CTNNA3: variants seen among roughly 807,000 people sequenced by gnomAD.
CTNNA3 encodes catenin alpha 3.
In CTNNA3, 76 loss-of-function variants were observed where a neutral mutation model predicts 95.7. That is an observed-to-expected ratio of 0.79 (90% CI 0.66 to 0.96). The LOEUF is 0.96. CTNNA3 is among the 40% of genes least tolerant of loss of function. The pLI, the probability that CTNNA3 is intolerant of heterozygous loss-of-function variation, is 0.00. For missense variants in CTNNA3, 1,191 were observed against 1,089.8 expected (o/e 1.09, Z -1.31); for synonymous variants, 431 against 374.4 (o/e 1.15, Z -1.74).
chr10:67,384,941 T>A (rs1348597521), intron 5 of CTNNA3, among the ~76,000 whole-genome samples: 4 of 152,244 alleles, frequency 2.6e-5, no homozygotes, highest in African/African-American at 4.8e-5. Context: ...TTTTTGATGC[T>A]ACTTTGTTGC....
intron 13 of CTNNA3, among the ~76,000 whole-genome samples, chr10:66,244,596 C>T (rs1355447150): frequency 1.4e-5 from 2 of 139,148 alleles, no homozygotes; most frequent in African/African-American, 5.3e-5. Flanking sequence ...AAACAATCTG[C>T]CTGGTAATTC....
At chr10:67,137,567 A>G (rs1489801628) in intron 7 of CTNNA3, among the ~76,000 whole-genome samples, 1 of 152,050 alleles carries the variant, frequency 6.6e-6, no homozygotes, top group Non-Finnish European at 1.5e-5. Context: ...ATAGCACAAA[A>G]CCCATTTGAC....
At chr10:66,303,798 T>A (rs566728485) in intron 12 of CTNNA3, among the ~76,000 whole-genome samples, 25 of 152,224 alleles carry the variant, frequency 1.6e-4, no homozygotes, top group African/African-American at 6.0e-4. Flanking sequence ...TTTCACCGTG[T>A]TAGCCAGGAT....
At chr10:67,699,310 A>G (rs1460612179), upstream of CTNNA3, among the ~76,000 whole-genome samples, 4 of 151,996 alleles carry the variant, frequency 2.6e-5, no homozygotes, top group Non-Finnish European at 4.4e-5. Flanking sequence ...CACCACCCCT[A>G]TGTTTTTACC....
chr10:66,819,925 A>G (rs1202679697), intron 7 of CTNNA3, among the ~76,000 whole-genome samples: 2 of 152,166 alleles, frequency 1.3e-5, no homozygotes, highest in Admixed American at 1.3e-4. Context: ...CAGTCTGGCA[A>G]TTCCTCAAAA....
chr10:67,501,442 T>C lies in CTNNA3; in HGVS notation c.579+20400A>G, dbSNP rs181371981. ...CGATGAATCTGATGATTATGTGTCT[T>C]GGGGTTGCTTTTCTCGAGAAGTATC... is the stretch of plus-strand genomic sequence containing the variant. On this transcript the variant is annotated intron_variant, in intron 5 of 17. Coordinates refer to ENST00000433211, the MANE Select transcript of CTNNA3 (RefSeq NM_013266.4). 2.6e-5 allele frequency among the ~76,000 whole-genome samples: 4 copies of C among 152,276 alleles called. No homozygotes were observed. The East Asian group carries it at 7.7e-4, about 29-fold the overall frequency.
intron 10 of CTNNA3, among the ~76,000 whole-genome samples, chr10:66,620,624 A>G (rs1844712379): frequency 1.3e-5 from 2 of 152,164 alleles, no homozygotes; most frequent in African/African-American, 2.4e-5. Context: ...TAGAGACCTC[A>G]TTGCAGTATT....
intron 11 of CTNNA3, among the ~76,000 whole-genome samples, chr10:66,383,764 A>G (rs953039341): frequency 7.9e-5 from 12 of 152,338 alleles, no homozygotes; most frequent in African/African-American, 2.9e-4. Flanking sequence ...GAAACCCTAC[A>G]AGCCAGAAGA....
intron 15 of CTNNA3, among the ~76,000 whole-genome samples, chr10:66,059,325 T>G (rs529407409): frequency 6.6e-6 from 1 of 152,240 alleles, no homozygotes; most frequent in East Asian, 1.9e-4. Context: ...TGAAGACAGC[T>G]GGATAATGAA....
chr10:66,071,822 A>T (rs1223907232), intron 14 of CTNNA3, among the ~76,000 whole-genome samples: 1 of 152,182 alleles, frequency 6.6e-6, no homozygotes, highest in Non-Finnish European at 1.5e-5. Context: ...ACACAAATAG[A>T]TTCAGTTCTT....
At position 65,966,891 on chromosome 10, in the gene CTNNA3, T is replaced by C. The variant is rs1589189463; in HGVS notation, c.2266-145A>G. Reference sequence around the variant, plus strand: ...AGGACCAAGTAGCTTCTGATATGCTTCTACCATTTACAATAGTTCATTCAT... The same window carrying C: ...AGGACCAAGTAGCTTCTGATATGCTCCTACCATTTACAATAGTTCATTCAT... On this transcript the variant is annotated intron_variant, in intron 16 of 17. Coordinates refer to ENST00000433211, the MANE Select transcript of CTNNA3 (RefSeq NM_013266.4). The C allele has an allele frequency of 1.5e-5, 8 of 540,022 alleles. No individual in the cohort carries two copies. The East Asian group carries it at 2.4e-4, about 16-fold the overall frequency. The allele number at this position is 540,022 out of a possible 1,614,324, so 33.5% of individuals were successfully genotyped here. A position where few individuals can be genotyped will look rare whatever the true frequency, so the allele number is the denominator to read the frequency against.
intron 12 of CTNNA3, among the ~76,000 whole-genome samples, chr10:66,340,283 AATTTTTCC>A (rs1186170175): frequency 1.3e-5 from 2 of 151,808 alleles, no homozygotes. Context: ...TCTACTACTG[AATTTTTCC>A]ATTGCAGATA....
intron 13 of CTNNA3, among the ~76,000 whole-genome samples, chr10:66,236,711 A>G (rs1194613350): frequency 6.6e-6 from 1 of 152,070 alleles, no homozygotes; most frequent in Non-Finnish European, 1.5e-5. Context: ...AAGAAAAAAT[A>G]TTTTTCCAGG....
intron 7 of CTNNA3, among the ~76,000 whole-genome samples, chr10:66,854,610 A>C (rs1007765851): frequency 7.9e-5 from 12 of 152,014 alleles, no homozygotes; most frequent in Admixed American, 7.2e-4. Context: ...GTGAGGCTGC[A>C]TTTGAGCTGT....
chr10:67,467,696 AT>A (rs1358183197), intron 5 of CTNNA3, among the ~76,000 whole-genome samples: 1 of 151,250 alleles, frequency 6.6e-6, no homozygotes, highest in Non-Finnish European at 1.5e-5. Flanking sequence ...AAGTTTCTTT[AT>A]TTTATTTTAT....
intron 7 of CTNNA3, among the ~76,000 whole-genome samples, chr10:67,017,335 C>A (rs542975979): frequency 1.3e-5 from 2 of 152,290 alleles, no homozygotes; most frequent in African/African-American, 4.8e-5. Context: ...CAAGAACACA[C>A]TGACATAGAG....
intron 1 of CTNNA3, among the ~76,000 whole-genome samples, chr10:67,709,762 G>A (rs1013969630): frequency 6.6e-6 from 1 of 151,910 alleles, no homozygotes; most frequent in Admixed American, 6.6e-5. Flanking sequence ...GTTTCTTCCT[G>A]GTAATTTTCA....
At chr10:66,768,378 C>G (rs1162289257) in intron 8 of CTNNA3, among the ~76,000 whole-genome samples, 1 of 152,086 alleles carries the variant, frequency 6.6e-6, no homozygotes, top group Non-Finnish European at 1.5e-5. Context: ...AGGAGACCCA[C>G]AGAGGACCTC....
At chr10:66,502,506 A>C (rs1840311437) in intron 11 of CTNNA3, among the ~76,000 whole-genome samples, 1 of 152,118 alleles carries the variant, frequency 6.6e-6, no homozygotes, top group African/African-American at 2.4e-5. Flanking sequence ...GATAACACTG[A>C]AGTCCTATAT....
Sources: allele counts gnomAD v4.1 joint callset (sites outside exome capture counted in the v4.1 genomes callset), GRCh38; gene constraint gnomAD v4.1.1; transcripts MANE v1.5; gene names NCBI Gene and HGNC (gene_info 2026-07-23, HGNC 2026-07-21).